Variants in CHSY3 observed in about 807,000 individuals in gnomAD.
CHSY3 encodes the protein chondroitin sulfate synthase 3.
A neutral mutation model predicts 67.2 loss-of-function variants in CHSY3; 35 were observed. The observed-to-expected ratio is 0.52, with a 90% CI of 0.40 to 0.69. The LOEUF (loss-of-function observed/expected upper bound fraction) is 0.69. Ranked by LOEUF, CHSY3 falls within the 30% of genes least tolerant of loss-of-function variation. The pLI is 0.00. For missense variants in CHSY3, 1,069 were observed against 1,138.5 expected (o/e 0.94, Z 0.88); for synonymous variants, 474 against 434.7 (o/e 1.09, Z -1.12).
chr5:130,003,617 T>C (rs867230584), intron 2 of CHSY3, among the ~76,000 whole-genome samples: 2 of 152,058 alleles, frequency 1.3e-5, no homozygotes, highest in African/African-American at 2.4e-5. Context: ...GGTTACCAGA[T>C]AGGACAAAGC....
intron 2 of CHSY3, among the ~76,000 whole-genome samples, chr5:129,920,688 C>T (rs1760892445): frequency 6.6e-6 from 1 of 152,252 alleles, no homozygotes; most frequent in Non-Finnish European, 1.5e-5. Context: ...TTATCACACA[C>T]TGTGGTTGTA....
At chr5:130,069,415 A>G (rs1049711780) in intron 2 of CHSY3, among the ~76,000 whole-genome samples, 1 of 152,086 alleles carries the variant, frequency 6.6e-6, no homozygotes, top group African/African-American at 2.4e-5. Flanking sequence ...TTTTGGGAGG[A>G]TGAGGTGGAG....
chr5:130,041,131 T>C (rs1490510898), intron 2 of CHSY3, among the ~76,000 whole-genome samples: 2 of 152,158 alleles, frequency 1.3e-5, no homozygotes, highest in Non-Finnish European at 2.9e-5. Context: ...TTGCCCTTGG[T>C]CCAACAGGAA....
intron 2 of CHSY3, among the ~76,000 whole-genome samples, chr5:130,181,344 A>G (rs1199151696): frequency 6.6e-6 from 1 of 152,190 alleles, no homozygotes; most frequent in Non-Finnish European, 1.5e-5. Flanking sequence ...AAAATGTATC[A>G]TGATCTATAG....
In CHSY3 at chr5:130,012,688, A is replaced by G. The variant is rs115984233; in HGVS notation, c.1086+104328A>G. Among the ~76,000 whole-genome samples the G allele has an allele frequency of 4.6e-3, 701 of 152,168 alleles. 4 individuals are homozygous for G. Among genetic ancestry groups the G allele is most frequent in the Non-Finnish European group, 7.0e-3 (479 of 67,994 alleles). Reference sequence around the variant, plus strand: ...CATGGGGGAACTGCCCCCACAAACTAATCACTTCCCACAAGATTCCTCGTG... The same window carrying G: ...CATGGGGGAACTGCCCCCACAAACTGATCACTTCCCACAAGATTCCTCGTG... On this transcript the variant is annotated intron_variant, in intron 2 of 2. Transcript: ENST00000305031.
At chr5:129,998,352 G>T (rs1057369928) in intron 2 of CHSY3, among the ~76,000 whole-genome samples, 1 of 152,146 alleles carries the variant, frequency 6.6e-6, no homozygotes, top group South Asian at 2.1e-4. Flanking sequence ...CTGTTTCACT[G>T]TAAGGATATA....
Position 129,905,601 on chromosome 5 carries a change from A to C in CHSY3, c.772A>C (p.Met258Leu), listed in dbSNP as rs767503907. Reference sequence around the variant, plus strand: ...CTACCTGGACAAGTATGAGTGGTTCATGCGCGCCGACGACGATGTCTACAT... The same window carrying C: ...CTACCTGGACAAGTATGAGTGGTTCCTGCGCGCCGACGACGATGTCTACAT... ...DHYLDKYEWFMRADDDVYIKG... is the reference protein window; with the variant it reads ...DHYLDKYEWFLRADDDVYIKG... Residue 258 changes from methionine (M) to leucine (L), a missense_variant, in exon 1 of 3, where the codon ATG becomes CTG. Around this residue, in one of 5 missense-constraint regions of CHSY3, gnomAD observed 216 missense variants for 311.5 expected, o/e 0.69. Transcript: ENST00000305031. 6 of 1,613,586 alleles carry C rather than the reference A, an allele frequency of 3.7e-6. No homozygotes were observed. Among genetic ancestry groups the C allele is most frequent in the Non-Finnish European group, 5.1e-6 (6 of 1,180,004 alleles).
chr5:129,961,883 C>T (rs1480286511), intron 2 of CHSY3, among the ~76,000 whole-genome samples: 3 of 151,858 alleles, frequency 2.0e-5, no homozygotes, highest in Admixed American at 2.0e-4. Flanking sequence ...TATTACTCAC[C>T]TCATTTTCTA....
chr5:130,085,022 C>A (rs1766567774), intron 2 of CHSY3, among the ~76,000 whole-genome samples: 1 of 151,930 alleles, frequency 6.6e-6, no homozygotes, highest in Non-Finnish European at 1.5e-5. Flanking sequence ...GTCAGCTATA[C>A]CTGAATTCCA....
chr5:130,079,570 G>T (rs1394549121), intron 2 of CHSY3, among the ~76,000 whole-genome samples: 1 of 152,048 alleles, frequency 6.6e-6, no homozygotes, highest in Non-Finnish European at 1.5e-5. Context: ...TAGTTTCCGG[G>T]ACAAGAAGAA....
intron 2 of CHSY3, among the ~76,000 whole-genome samples, chr5:129,990,228 C>T: frequency 6.6e-6 from 1 of 151,846 alleles, no homozygotes; most frequent in Non-Finnish European, 1.5e-5. Flanking sequence ...GTAGCAAATC[C>T]TTAAATTAAT....
At chr5:129,917,448 G>C (rs908763629) in intron 2 of CHSY3, among the ~76,000 whole-genome samples, 4 of 152,164 alleles carry the variant, frequency 2.6e-5, no homozygotes, top group African/African-American at 7.2e-5. Flanking sequence ...GCAGCATTCA[G>C]AGTAATGTCT....
chr5:129,970,171 A>G (rs1762597930), intron 2 of CHSY3, among the ~76,000 whole-genome samples: 2 of 151,834 alleles, frequency 1.3e-5, no homozygotes, highest in African/African-American at 4.8e-5. Context: ...CGTAAGACTT[A>G]CTGAAATTAT....
intron 2 of CHSY3, among the ~76,000 whole-genome samples, chr5:130,108,555 T>G (rs181296425): frequency 1.7e-3 from 252 of 151,868 alleles, no homozygotes; most frequent in Non-Finnish European, 2.6e-3. Context: ...TGACAATCAT[T>G]TGGATTGTAA....
chr5:130,183,759 A>G (rs942021883), intron 2 of CHSY3, among the ~76,000 whole-genome samples: 1 of 152,088 alleles, frequency 6.6e-6, no homozygotes, highest in Non-Finnish European at 1.5e-5. Context: ...AGCTGGAGAG[A>G]GGGGTTGGGG....
intron 2 of CHSY3, among the ~76,000 whole-genome samples, chr5:130,155,878 G>A (rs1329624203): frequency 6.6e-6 from 1 of 152,200 alleles, no homozygotes; most frequent in Non-Finnish European, 1.5e-5. Context: ...CAGTAGAAGG[G>A]TAGGATGGCT....
intron 2 of CHSY3, among the ~76,000 whole-genome samples, chr5:129,947,342 A>G (rs1761886731): frequency 1.3e-5 from 2 of 152,130 alleles, no homozygotes; most frequent in South Asian, 4.2e-4. Context: ...ACGAGATTTG[A>G]GCTTGGTGCA....
chr5:130,080,093 C>CA (rs1766400134), intron 2 of CHSY3, among the ~76,000 whole-genome samples: 1 of 151,676 alleles, frequency 6.6e-6, no homozygotes, highest in African/African-American at 2.4e-5. Context: ...TACATACATA[C>CA]ACATACACAC....
intron 2 of CHSY3, among the ~76,000 whole-genome samples, chr5:130,020,455 ATATATATTTTTTTTT>A (rs1338166170): frequency 6.1e-4 from 2 of 3,302 alleles, no homozygotes; most frequent in East Asian, 0.023. Flanking sequence ...ATATATATAT[ATATATATTTTTTTTT>A]TTTTTTTTTC....
Sources: gnomAD v4.1 joint callset for allele counts (sites outside exome capture counted in the v4.1 genomes callset) on GRCh38, gnomAD v4.1.1 for gene constraint, gnomAD v4.1.1 regional missense constraint, MANE v1.5 for transcripts, NCBI Gene and HGNC (gene_info 2026-07-23, HGNC 2026-07-21) for gene names.